The following TSNARE1 variants were observed in gnomAD, a reference collection of about 807,000 sequenced individuals.
TSNARE1 encodes the protein t-SNARE domain containing 1.
TSNARE1 carries 49 observed loss-of-function variants against 62.0 expected under a neutral mutation model. The observed-to-expected ratio is 0.79, with a 90% CI of 0.63 to 1.00. The LOEUF (loss-of-function observed/expected upper bound fraction) is 1.00, where lower values mean the gene tolerates loss of function less well. Among genes scored for constraint, TSNARE1 ranks in the 50% least tolerant of loss-of-function variants. The probability of loss-of-function intolerance (pLI) is 0.00; values close to 1 mark genes in which losing one functional copy is unlikely to be tolerated. For synonymous variants in TSNARE1, 328 were observed against 294.4 expected, an observed-to-expected ratio of 1.11 and a Z score of -1.17; for missense variants, 755 against 700.1, an observed-to-expected ratio of 1.08 and a Z score of -0.88.
intron 12 of TSNARE1, chr8:142,269,934 G>C (rs1819375415): frequency 1.0e-6 from 1 of 985,456 alleles, no homozygotes; most frequent in Non-Finnish European, 1.2e-6. Flanking sequence ...ACGAGGAAAA[G>C]GCCCCTCTCC....
rs748121430 is a variant in TSNARE1 at position 142,318,582 on chromosome 8, C to T, written c.946G>A (p.Val316Met). Residue 316 changes from valine (V) to methionine (M), a missense_variant, in exon 7 of 14, where the codon GTG becomes ATG. Physicochemically the swap from Val to Met is conservative, Grantham distance 21. Coordinates refer to ENST00000524325, the MANE Select transcript of TSNARE1 (RefSeq NM_145003.5). ...NKTIAASASSVKQMAELLRSS... is the reference protein window; with the variant it reads ...NKTIAASASSMKQMAELLRSS... ...CGCAGCAGCTCGGCCATCTGCTTCA[C>T]GGAGCTGGCGCTGGCTGCAATGGTC... 26 of 1,613,552 alleles carry T rather than the reference C, an allele frequency of 1.6e-5. 1 individual carries two copies. Among genetic ancestry groups the T allele is most frequent in the South Asian group, 8.8e-5 (8 of 91,080 alleles).
intron 1 of TSNARE1, among the ~76,000 whole-genome samples, chr8:142,394,959 C>A (rs1002329904): frequency 6.6e-6 from 1 of 152,144 alleles, no homozygotes; most frequent in Non-Finnish European, 1.5e-5. Context: ...GCAGGTGACC[C>A]GGTCTCCCTT....
At chr8:142,239,570 A>G (rs1817590219) in intron 12 of TSNARE1, among the ~76,000 whole-genome samples, 1 of 152,254 alleles carries the variant, frequency 6.6e-6, no homozygotes, top group Non-Finnish European at 1.5e-5. Flanking sequence ...GAGTAAGGAA[A>G]AAGTGAACTA....
intron 6 of TSNARE1, among the ~76,000 whole-genome samples, chr8:142,320,206 T>C (rs1310282910): frequency 6.6e-6 from 1 of 152,170 alleles, no homozygotes; most frequent in African/African-American, 2.4e-5. Context: ...CTAAAGACAG[T>C]TCAGATCTTG....
chr8:142,278,702 T>G, intron 11 of TSNARE1: 1 of 985,340 alleles, frequency 1.0e-6, no homozygotes, highest in Non-Finnish European at 1.2e-6. Context: ...ACGCCTGGCT[T>G]CCGGTGGTCC....
intron 1 of TSNARE1, among the ~76,000 whole-genome samples, chr8:142,390,946 G>A (rs1262613149): frequency 7.5e-6 from 1 of 133,340 alleles, no homozygotes; most frequent in Non-Finnish European, 1.6e-5. Flanking sequence ...TACACTGCAG[G>A]GGACTCTATA....
At chr8:142,255,055 C>G (rs1205302961) in intron 12 of TSNARE1, among the ~76,000 whole-genome samples, 1 of 151,992 alleles carries the variant, frequency 6.6e-6, no homozygotes, top group African/African-American at 2.4e-5. Flanking sequence ...GATCCCTGTC[C>G]CATAACAGAG....
intron 12 of TSNARE1, chr8:142,271,416 G>C (rs931522819): frequency 1.6e-6 from 2 of 1,247,308 alleles, no homozygotes; most frequent in Non-Finnish European, 2.0e-6. Context: ...GAGTCCAGCA[G>C]CTGCTGCTCA....
chr8:142,227,325 A>G (rs575032843), intron 13 of TSNARE1, among the ~76,000 whole-genome samples: 40 of 110,778 alleles, frequency 3.6e-4, no homozygotes, highest in Admixed American at 1.8e-3. Context: ...CCACAACTCC[A>G]GTGATAGCCA....
At chr8:142,382,619 G>A (rs1836850274) in intron 1 of TSNARE1, among the ~76,000 whole-genome samples, 1 of 152,200 alleles carries the variant, frequency 6.6e-6, no homozygotes, top group East Asian at 1.9e-4. Flanking sequence ...GGGTGGCCAG[G>A]AGAAGCAGAG....
At chr8:142,285,511 AGAT>A (rs1056739972) in intron 10 of TSNARE1, among the ~76,000 whole-genome samples, 23 of 140,190 alleles carry the variant, frequency 1.6e-4, no homozygotes, top group South Asian at 4.8e-4. Flanking sequence ...GTGGGTGGGT[AGAT>A]GATGGATGGA....
intron 3 of TSNARE1, 55 bp downstream of exon 3, chr8:142,345,688 G>A (rs1371680085): frequency 1.3e-6 from 2 of 1,489,480 alleles, no homozygotes; most frequent in Non-Finnish European, 1.8e-6. Context: ...CTCAGCACCT[G>A]CATCTCCAAG....
Position 142,349,109 on chromosome 8 carries a change from C to G in TSNARE1, c.89-3217G>C, listed in dbSNP as rs375413682. Among the ~76,000 whole-genome samples, 18 of 152,336 alleles carry G rather than the reference C, an allele frequency of 1.2e-4. No individual in the cohort carries two copies. In the South Asian group the frequency reaches 1.9e-3, roughly 16 times the overall value. On this transcript the variant is annotated intron_variant, in intron 2 of 13. Transcript: ENST00000524325. ...AAAGGAGGCACTGAGCCAGGCTCGC[C>G]CCCATGCCCCAGAAGCAGCCCCAGC...
At chr8:142,337,692 C>T (rs1268308029) in intron 4 of TSNARE1, among the ~76,000 whole-genome samples, 1 of 152,226 alleles carries the variant, frequency 6.6e-6, no homozygotes, top group African/African-American at 2.4e-5. Context: ...CACACCACCA[C>T]GGCACTCCTG....
intron 12 of TSNARE1, chr8:142,271,797 G>T: frequency 1.4e-6 from 1 of 710,378 alleles, no homozygotes; most frequent in South Asian, 4.6e-5. Context: ...TCTGCACCTG[G>T]AGCTGTATGG....
chr8:142,275,280 G>C (rs77996094), intron 11 of TSNARE1: 2 of 985,326 alleles, frequency 2.0e-6, no homozygotes, highest in East Asian at 1.1e-4. Context: ...GTGGAGTTGC[G>C]ACGCGGCTGA....
chr8:142,246,651 T>C (rs1222823396), intron 12 of TSNARE1, among the ~76,000 whole-genome samples: 1 of 152,138 alleles, frequency 6.6e-6, no homozygotes, highest in African/African-American at 2.4e-5. Context: ...CCCTGAGCCC[T>C]GGGCCCCTCG....
At chr8:142,257,440 G>A (rs1415153901) in intron 12 of TSNARE1, among the ~76,000 whole-genome samples, 1 of 152,128 alleles carries the variant, frequency 6.6e-6, no homozygotes, top group Non-Finnish European at 1.5e-5. Context: ...GCTGCCTCCT[G>A]GAGACCCCCA....
At chr8:142,243,540 T>TA (rs971174386) in intron 12 of TSNARE1, among the ~76,000 whole-genome samples, 12 of 133,106 alleles carry the variant, frequency 9.0e-5, no homozygotes, top group Admixed American at 1.6e-4. Context: ...ACGTAAAATC[T>TA]AAAAAAAACC....
Sources: allele counts gnomAD v4.1 joint callset (sites outside exome capture counted in the v4.1 genomes callset), GRCh38; gene constraint gnomAD v4.1.1; transcripts MANE v1.5; gene names NCBI Gene and HGNC (gene_info 2026-07-23, HGNC 2026-07-21).